NOTCH2: variants seen among roughly 807,000 people sequenced by gnomAD.
The protein encoded by NOTCH2 is notch receptor 2, also known as neurogenic locus notch homolog protein 2.
A neutral mutation model predicts 235.8 loss-of-function variants in NOTCH2; 29 were observed. That is an observed-to-expected ratio of 0.12 (90% CI 0.09 to 0.17). The LOEUF (loss-of-function observed/expected upper bound fraction) is 0.17, where lower values mean the gene tolerates loss of function less well. Ranked by LOEUF, NOTCH2 falls within the 10% of genes least tolerant of loss-of-function variation. The pLI is 1.00. For missense variants in NOTCH2, 2,285 were observed against 3,150.2 expected (o/e 0.73, Z 6.57); for synonymous variants, 1,086 against 1,141.5 (o/e 0.95, Z 0.98).
At chr1:119,964,475 A>C (rs1430487364) in intron 10 of NOTCH2, among the ~76,000 whole-genome samples, 1 of 152,198 alleles carries the variant, frequency 6.6e-6, no homozygotes, top group African/African-American at 2.4e-5. Context: ...CTTATCCTCT[A>C]CAAGAAGAAT....
At chr1:119,988,383 A>G (rs1378053972) in intron 4 of NOTCH2, among the ~76,000 whole-genome samples, 2 of 152,218 alleles carry the variant, frequency 1.3e-5, no homozygotes, top group African/African-American at 4.8e-5. Flanking sequence ...ATTGAAGGAA[A>G]TTATATTTCT....
At chr1:119,980,233 C>A (rs1350618960) in intron 5 of NOTCH2, among the ~76,000 whole-genome samples, 19 of 152,178 alleles carry the variant, frequency 1.2e-4, no homozygotes, top group Admixed American at 1.1e-3. Context: ...CTTGGTACTT[C>A]CACTCTCTGA....
chr1:119,915,955 C>T lies in NOTCH2; in HGVS notation c.6767G>A (p.Arg2256His), dbSNP rs148759277. 63 of 1,613,990 alleles carry T rather than the reference C, an allele frequency of 3.9e-5. No homozygotes were observed. The highest frequency in any genetic ancestry group is 1.1e-4 in the East Asian group (5 of 44,888). The change falls in exon 34 of 34, where the codon CGC (arginine) becomes CAC (histidine). Residue 2256 changes from arginine to histidine, a missense_variant. Arg to His is a conservative substitution (Grantham distance 29). Around this residue, in one of 6 missense-constraint regions of NOTCH2, gnomAD observed 504 missense variants for 538.0 expected, o/e 0.94. Coordinates refer to ENST00000256646, the MANE Select transcript of NOTCH2 (RefSeq NM_024408.4). Reference sequence around the variant, plus strand: ...GTACTGGGTCTCATTCACCTCCATGCGGTTCATCCAATCTGCTGGGACTGG... The same window carrying T: ...GTACTGGGTCTCATTCACCTCCATGTGGTTCATCCAATCTGCTGGGACTGG... ...PVPVPADWMN[R>H]MEVNETQYNE...
Position 119,957,829 on chromosome 1 carries a change from AACACACACACAC to A in NOTCH2, c.2026+1551_2026+1562del, listed in dbSNP as rs3222739. Among the ~76,000 whole-genome samples the A allele has an allele frequency of 2.2e-3, 257 of 116,498 alleles. 1 individual carries two copies. Among genetic ancestry groups the A allele is most frequent in the East Asian group, 5.7e-3 (19 of 3,348 alleles). 76.4% of individuals were successfully genotyped at this position (116,498 alleles called of 152,430 possible). ...ATGAGTCCAGTAGAAGCCTTATATA[AACACACACACAC>A]ACACACACACACACACACACACACA... On this transcript the variant is annotated intron_variant, in intron 12 of 33. Coordinates refer to ENST00000256646, the MANE Select transcript of NOTCH2 (RefSeq NM_024408.4).
chr1:119,918,189 A>G (rs1295958941), intron 32 of NOTCH2, among the ~76,000 whole-genome samples: 2 of 152,358 alleles, frequency 1.3e-5, no homozygotes, highest in East Asian at 3.9e-4. Flanking sequence ...TCTGAGGTCC[A>G]AGAACCCTCA....
intron 3 of NOTCH2, 70 bp from the exon 4 acceptor site, chr1:119,997,402 T>C (rs1194867605): frequency 5.8e-6 from 8 of 1,380,714 alleles, no homozygotes; most frequent in South Asian, 4.6e-5. Flanking sequence ...CAATACCTCA[T>C]TGACATCAGC....
chr1:119,996,855 T>C (rs1219055620), intron 4 of NOTCH2, 142 bp downstream of exon 4: 1 of 957,728 alleles, frequency 1.0e-6, no homozygotes, highest in African/African-American at 1.6e-5. Context: ...ATAAAACTCC[T>C]CCCTCACTAG....
At chr1:119,986,368 GC>G (rs1652017379) in intron 5 of NOTCH2, among the ~76,000 whole-genome samples, 1 of 152,158 alleles carries the variant, frequency 6.6e-6, no homozygotes, top group South Asian at 2.1e-4. Flanking sequence ...GTAAAATTAA[GC>G]AAGACTACCC....
At chr1:120,066,822 C>CAA (rs367825898) in intron 1 of NOTCH2, among the ~76,000 whole-genome samples, 1 of 143,336 alleles carries the variant, frequency 7.0e-6, no homozygotes, top group South Asian at 2.2e-4. Flanking sequence ...TCCACCACAC[C>CAA]AAAAAAAAAG....
intron 11 of NOTCH2, among the ~76,000 whole-genome samples, 171 bp from the exon 12 acceptor site, chr1:119,959,673 C>A (rs1007492481): frequency 1.3e-5 from 2 of 152,188 alleles, no homozygotes; most frequent in African/African-American, 4.8e-5. Context: ...CAGGAAGATA[C>A]AGGAGGTCCA....
At chr1:120,017,301 C>T (rs1317869347) in intron 2 of NOTCH2, among the ~76,000 whole-genome samples, 21 of 149,608 alleles carry the variant, frequency 1.4e-4, no homozygotes, top group Non-Finnish European at 1.5e-4. Flanking sequence ...CCCACTTTCT[C>T]ATGGCTAAGC....
At chr1:119,966,063 T>C (rs1249167908) in intron 9 of NOTCH2, among the ~76,000 whole-genome samples, 2 of 152,220 alleles carry the variant, frequency 1.3e-5, no homozygotes, top group East Asian at 3.9e-4. Flanking sequence ...ATATGACCCA[T>C]GGGAAAAAAA....
At chr1:119,958,239 A>AT (rs1191984608) in intron 12 of NOTCH2, among the ~76,000 whole-genome samples, 1 of 152,218 alleles carries the variant, frequency 6.6e-6, no homozygotes, top group Non-Finnish European at 1.5e-5. Context: ...AGCACTGGGC[A>AT]TTGGGTATGA....
At chr1:120,057,136 T>C (rs1462580443) in intron 1 of NOTCH2, among the ~76,000 whole-genome samples, 2 of 140,880 alleles carry the variant, frequency 1.4e-5, no homozygotes, top group Non-Finnish European at 3.0e-5. Context: ...GAAAAGTGAA[T>C]GCACCAAGAA....
chr1:119,996,866 C>T (rs1291044980), intron 4 of NOTCH2, 131 bp downstream of exon 4: 2 of 1,104,436 alleles, frequency 1.8e-6, no homozygotes, highest in Non-Finnish European at 1.4e-6. Flanking sequence ...CCCTCACTAG[C>T]AACCCACCCC....
chr1:119,966,621 G>A, intron 8 of NOTCH2, 132 bp from the exon 9 acceptor site: 1 of 717,784 alleles, frequency 1.4e-6, no homozygotes, highest in Admixed American at 2.0e-5. Flanking sequence ...AAGGAACTCT[G>A]CCATGATGAG....
intron 25 of NOTCH2, among the ~76,000 whole-genome samples, chr1:119,924,474 A>G (rs1266053714): frequency 6.6e-6 from 1 of 152,174 alleles, no homozygotes; most frequent in African/African-American, 2.4e-5. Context: ...GTGAATCCCA[A>G]CTACAGAAGG....
chr1:119,947,879 C>T (rs1650319932), intron 17 of NOTCH2, among the ~76,000 whole-genome samples: 1 of 152,156 alleles, frequency 6.6e-6, no homozygotes, highest in African/African-American at 2.4e-5. Flanking sequence ...AAGTCAGAAC[C>T]TCTCCTGACT....
At chr1:120,023,593 T>C (rs1229386970) in intron 2 of NOTCH2, among the ~76,000 whole-genome samples, 4 of 123,878 alleles carry the variant, frequency 3.2e-5, no homozygotes, top group Non-Finnish European at 6.1e-5. Flanking sequence ...AAAATTTTGA[T>C]AATTTTCAAC....
Sources: allele counts gnomAD v4.1 joint callset (sites outside exome capture counted in the v4.1 genomes callset), GRCh38; gene constraint gnomAD v4.1.1; regional missense constraint gnomAD v4.1.1; transcripts MANE v1.5; gene names NCBI Gene and HGNC (gene_info 2026-07-23, HGNC 2026-07-21).